VPS13B: variants seen among roughly 807,000 people sequenced by gnomAD.
The protein encoded by VPS13B is intermembrane lipid transfer protein VPS13B.
In VPS13B, 285 loss-of-function variants were observed where a neutral mutation model predicts 426.4. The ratio of observed to expected loss-of-function variants is 0.67; its 90% CI spans 0.61 to 0.74. The LOEUF (loss-of-function observed/expected upper bound fraction) is 0.74. VPS13B is among the 30% of genes least tolerant of loss of function. The pLI is 0.00. For missense variants in VPS13B, 4,537 were observed against 4,782.6 expected (o/e 0.95, Z 1.51); for synonymous variants, 1,676 against 1,676.4 (o/e 1.00, Z 0.01).
rs1554590515 is a variant in VPS13B at position 99,875,573 on chromosome 8, A to ATACCAT, written c.11906_11911dup (p.His3969_Tyr3970dup). The ATACCAT allele has an allele frequency of 1.2e-6, 2 of 1,614,176 alleles. No individual in the cohort carries two copies. The highest frequency in any genetic ancestry group is 2.2e-5 in the East Asian group (1 of 44,886). Reference sequence around the variant, plus strand: ...AACCTCCCCCCTCCACTGTTAAAACATACCATTACCTGGTTGATCCACATT... The same window carrying ATACCAT: ...AACCTCCCCCCTCCACTGTTAAAACATACCATTACCATTACCTGGTTGATCCACATT... On this transcript the variant is annotated inframe_insertion, in exon 62 of 62. Transcript: ENST00000357162.
rs561240552 is a variant in VPS13B at position 99,563,051 on chromosome 8, T to G, written c.4949+6398T>G. The stretch of plus-strand genomic sequence containing the variant: ...GGTGGCATGCACCTATGGTCCTAGC[T>G]TCTCTTGAGGCTGAAGCAGGAGGAT... On this transcript the variant is annotated intron_variant, in intron 31 of 61. Transcript: ENST00000357162. 2.4e-4 allele frequency among the ~76,000 whole-genome samples: 36 copies of G among 152,298 alleles called. No individual in the cohort carries two copies. In the South Asian group the frequency reaches 6.6e-3, roughly 28 times the overall value.
chr8:99,270,129 A>ATTTTTT (rs1370378172), intron 17 of VPS13B, among the ~76,000 whole-genome samples: 1 of 16,824 alleles, frequency 5.9e-5, no homozygotes, highest in African/African-American at 1.4e-4. Context: ...AGATATAAGA[A>ATTTTTT]TCTTTTTTTT....
At chr8:99,383,219 T>A (rs1187397824) in intron 19 of VPS13B, among the ~76,000 whole-genome samples, 1 of 152,204 alleles carries the variant, frequency 6.6e-6, no homozygotes, top group East Asian at 1.9e-4. Context: ...TTGTGTTTTA[T>A]GTCAGAATGT....
chr8:99,781,119 T>G (rs2130690157), intron 42 of VPS13B, among the ~76,000 whole-genome samples: 1 of 152,308 alleles, frequency 6.6e-6, no homozygotes, highest in East Asian at 1.9e-4. Context: ...CAATTTGGCC[T>G]TCCACCTTTA....
At chr8:99,461,008 G>C (rs998340816) in intron 23 of VPS13B, among the ~76,000 whole-genome samples, 6 of 152,108 alleles carry the variant, frequency 3.9e-5, no homozygotes, top group African/African-American at 1.4e-4. Flanking sequence ...GTGCTGAAAT[G>C]GTTGTGTTTT....
chr8:99,779,650 A>G (rs992359905), intron 42 of VPS13B, among the ~76,000 whole-genome samples: 23 of 152,176 alleles, frequency 1.5e-4, no homozygotes, highest in Non-Finnish European at 2.9e-4. Context: ...AAAGGGATGA[A>G]GCGTAAGTCT....
Position 99,709,099 on chromosome 8 carries a change from G to A in VPS13B, c.6455-8072G>A, listed in dbSNP as rs574889321. On this transcript the variant is annotated intron_variant, in intron 36 of 61. Coordinates refer to ENST00000357162, the MANE Select transcript of VPS13B (RefSeq NM_152564.5). ...CAGACAATACTTACAAAATTTTGTCGTTTTCACATTTTAAGGTTTTCTGAT... is the reference window on the plus strand; with the variant it reads ...CAGACAATACTTACAAAATTTTGTCATTTTCACATTTTAAGGTTTTCTGAT... Among the ~76,000 whole-genome samples, 17 of 152,122 alleles carry A rather than the reference G, an allele frequency of 1.1e-4. No homozygotes were observed. In the South Asian group the frequency reaches 3.5e-3, roughly 32 times the overall value.
intron 44 of VPS13B, among the ~76,000 whole-genome samples, chr8:99,814,627 T>G (rs1813913047): frequency 6.6e-6 from 1 of 152,214 alleles, no homozygotes; most frequent in South Asian, 2.1e-4. Context: ...ATGTTTACCC[T>G]GATCGATGGC....
At chr8:99,158,253 G>A (rs756148695) in intron 15 of VPS13B, among the ~76,000 whole-genome samples, 1 of 152,176 alleles carries the variant, frequency 6.6e-6, no homozygotes, top group African/African-American at 2.4e-5. Context: ...TTCAAAAGGC[G>A]GCCGGGCACG....
At chr8:99,058,781 G>C (rs1257454260) in intron 3 of VPS13B, among the ~76,000 whole-genome samples, 1 of 152,174 alleles carries the variant, frequency 6.6e-6, no homozygotes, top group Non-Finnish European at 1.5e-5. Context: ...GGTGGTGATA[G>C]GTTGTGAAGG....
At chr8:99,579,633 C>T (rs1369098766) in intron 33 of VPS13B, among the ~76,000 whole-genome samples, 1 of 151,804 alleles carries the variant, frequency 6.6e-6, no homozygotes, top group Non-Finnish European at 1.5e-5. Context: ...CTCGTGACCT[C>T]GTGATCTGCC....
Position 99,876,469 on chromosome 8 carries a change from T to C in VPS13B, c.*803T>C, listed in dbSNP as rs1410229337. On this transcript the variant is annotated 3_prime_UTR_variant, in exon 62 of 62. Transcript: ENST00000357162. ...AGTAAATCCTTTGTCCTATATTGAA[T>C]CCAGTCCCAAAGTGTTCAGGTGAGT... is the stretch of plus-strand genomic sequence containing the variant. 1 of 152,254 alleles carries C rather than the reference T, an allele frequency of 6.6e-6. No individual in the cohort carries two copies. Among genetic ancestry groups the C allele is most frequent in the Non-Finnish European group, 1.5e-5 (1 of 68,072 alleles). 9.4% of individuals were successfully genotyped at this position (152,254 alleles called of 1,614,324 possible).
intron 36 of VPS13B, among the ~76,000 whole-genome samples, chr8:99,715,341 C>T (rs994407374): frequency 6.6e-6 from 1 of 152,172 alleles, no homozygotes. Flanking sequence ...TAAGCTGGTC[C>T]TTGCCTCCAG....
rs1322323548 is a variant in VPS13B, at chr8:99,692,036, C to T, written c.6047-7489C>T. Among the ~76,000 whole-genome samples, 38 of 150,234 alleles carry T rather than the reference C, an allele frequency of 2.5e-4. 1 individual carries two copies. The East Asian group carries it at 5.8e-3, about 23-fold the overall frequency. The stretch of plus-strand genomic sequence containing the variant: ...CACCCAATACAGGAGCACCCAGATT[C>T]ATAAAGCAAGTCCTGAGTGACCTAC... On this transcript the variant is annotated intron_variant, in intron 35 of 61. Coordinates refer to ENST00000357162, the MANE Select transcript of VPS13B (RefSeq NM_152564.5).
Position 99,506,103 on chromosome 8 carries a change from C to T in VPS13B, c.4158-1034C>T, listed in dbSNP as rs189036421. On this transcript the variant is annotated intron_variant, in intron 27 of 61. Transcript: ENST00000357162. ...TTTTGCTGTATACGTCCCATCCATT[C>T]TCTATACCAATATAATCATTGGTAT... Among the ~76,000 whole-genome samples, 298 of 152,268 alleles carry T rather than the reference C, an allele frequency of 2.0e-3. 3 individuals carry two copies. The highest frequency in any genetic ancestry group is 3.6e-3 in the Non-Finnish European group (243 of 68,014).
chr8:99,064,444 A>C (rs951337993), intron 3 of VPS13B, among the ~76,000 whole-genome samples: 2 of 152,238 alleles, frequency 1.3e-5, no homozygotes, highest in Non-Finnish European at 2.9e-5. Flanking sequence ...CCATGGCATG[A>C]GAACTATGTG....
intron 2 of VPS13B, among the ~76,000 whole-genome samples, chr8:99,035,943 A>G (rs879347713): frequency 5.9e-5 from 9 of 152,212 alleles, no homozygotes; most frequent in Admixed American, 3.9e-4. Flanking sequence ...GGCCATTTGT[A>G]TATCTTTTTT....
chr8:99,461,266 A>C (rs556781498), intron 23 of VPS13B, among the ~76,000 whole-genome samples: 1 of 152,222 alleles, frequency 6.6e-6, no homozygotes, highest in Non-Finnish European at 1.5e-5. Flanking sequence ...ATGCAGAAAG[A>C]ATTACTGGTG....
At chr8:99,661,678 AT>A (rs1367874000) in intron 35 of VPS13B, among the ~76,000 whole-genome samples, 187 bp downstream of exon 35, 3 of 152,144 alleles carry the variant, frequency 2.0e-5, no homozygotes, top group Non-Finnish European at 1.5e-5. Context: ...TGCATTAAGA[AT>A]TACCTTCAGT....
Sources: gnomAD v4.1 joint callset for allele counts (sites outside exome capture counted in the v4.1 genomes callset) on GRCh38, gnomAD v4.1.1 for gene constraint, MANE v1.5 for transcripts, NCBI Gene and HGNC (gene_info 2026-07-23, HGNC 2026-07-21) for gene names.